CC2D2A: variants seen among roughly 807,000 people sequenced by gnomAD.
The protein encoded by CC2D2A is coiled-coil and C2 domain-containing protein 2A.
A neutral mutation model predicts 212.9 loss-of-function variants in CC2D2A; 155 were observed. The observed-to-expected ratio is 0.73, with a 90% CI of 0.64 to 0.83. CC2D2A has a LOEUF of 0.83. Among genes scored for constraint, CC2D2A ranks in the 40% least tolerant of loss-of-function variants. CC2D2A has a pLI of 0.00. For synonymous variants in CC2D2A, 667 were observed against 686.5 expected, an observed-to-expected ratio of 0.97 and a Z score of 0.44; for missense variants, 1,856 against 1,956.2, an observed-to-expected ratio of 0.95 and a Z score of 0.97.
intron 13 of CC2D2A, among the ~76,000 whole-genome samples, chr4:15,530,896 C>T (rs1717815962): frequency 1.3e-5 from 2 of 151,862 alleles, no homozygotes; most frequent in South Asian, 4.2e-4. Flanking sequence ...TTTTATTTTC[C>T]ATAGCGGCAT....
At chr4:15,539,003 A>G (rs1392112518) in intron 16 of CC2D2A, among the ~76,000 whole-genome samples, 1 of 152,118 alleles carries the variant, frequency 6.6e-6, no homozygotes, top group Non-Finnish European at 1.5e-5. Flanking sequence ...GTTGGAGACC[A>G]GCCTGGGGAA....
At chr4:15,473,080 G>A (rs1713944051) in intron 1 of CC2D2A, 2 of 152,184 alleles carry the variant, frequency 1.3e-5, no homozygotes, top group South Asian at 4.1e-4. Flanking sequence ...AATAGTCCCA[G>A]AATGTGGCTA....
At chr4:15,516,133 A>G in intron 10 of CC2D2A, 129 bp downstream of exon 10, 1 of 741,062 alleles carries the variant, frequency 1.3e-6, no homozygotes, top group Non-Finnish European at 1.9e-6. Flanking sequence ...AAAGTGGTTC[A>G]TTTTTTTTTT....
Position 15,601,400 on chromosome 4 carries a change from T to C in CC2D2A, c.4838T>C (p.Val1613Ala), listed in dbSNP as rs769264337. The change falls in exon 37 of 37, where the codon GTT becomes GCT. Residue 1613 changes from valine (V) to alanine (A), a missense_variant. Around this residue, in one of 5 missense-constraint regions of CC2D2A, gnomAD observed 285 missense variants for 278.4 expected, o/e 1.02. Transcript: ENST00000424120. ...PKNVLSVWIYVASLIRNR is the reference protein window; with the variant it reads ...PKNVLSVWIYAASLIRNR ...AATGTTTTGTCTGTTTGGATCTATG[T>C]TGCCTCTCTTATACGCAACAGGTAA... 9.0e-6 allele frequency: 14 copies of C among 1,549,244 alleles called. No homozygotes were observed. Among genetic ancestry groups the C allele is most frequent in the East Asian group, 4.6e-5 (2 of 43,702 alleles).
At chr4:15,482,543 C>G (rs1287973932) in intron 4 of CC2D2A, among the ~76,000 whole-genome samples, 1 of 152,090 alleles carries the variant, frequency 6.6e-6, no homozygotes, top group African/African-American at 2.4e-5. Flanking sequence ...GAGGGAGAGG[C>G]TCTACTGTCT....
chr4:15,487,812 C>G (rs1315239443), intron 4 of CC2D2A, among the ~76,000 whole-genome samples: 1 of 140,704 alleles, frequency 7.1e-6, no homozygotes, highest in Admixed American at 7.6e-5. Flanking sequence ...TTGTACCTGT[C>G]ATAGGTTTTT....
In CC2D2A at chr4:15,555,043, A is replaced by G. The variant is rs760139434; in HGVS notation, c.2487-29A>G. 60 of 1,592,470 alleles carry G rather than the reference A, an allele frequency of 3.8e-5. 1 individual carries two copies. The highest frequency in any genetic ancestry group is 3.3e-4 in the Middle Eastern group (2 of 6,044). ...ATGCAAACTGTTCTGTGGTCAAGTC[A>G]GTCTCATGGAATCAACTCTTCTTTT... On this transcript the variant is annotated intron_variant, in intron 19 of 36. Coordinates refer to ENST00000424120, the MANE Select transcript of CC2D2A (RefSeq NM_001378615.1).
intron 11 of CC2D2A, among the ~76,000 whole-genome samples, chr4:15,523,709 C>A (rs1229578308): frequency 3.3e-5 from 5 of 152,190 alleles, no homozygotes; most frequent in Admixed American, 3.3e-4. Flanking sequence ...GGATTTGATG[C>A]CGGCAGGCCT....
chr4:15,497,102 C>T (rs1395447063), intron 4 of CC2D2A, among the ~76,000 whole-genome samples: 2 of 152,064 alleles, frequency 1.3e-5, no homozygotes, highest in Non-Finnish European at 2.9e-5. Context: ...CCCAAATAGC[C>T]AACATGATCC....
intron 4 of CC2D2A, among the ~76,000 whole-genome samples, chr4:15,486,030 G>A (rs115414196): frequency 0.02 from 3,098 of 152,198 alleles, 43 homozygotes; most frequent in East Asian, 0.052. Context: ...CATGAAGAAT[G>A]ATGTTGTTAA....
chr4:15,547,913 C>A (rs369669180), intron 17 of CC2D2A, among the ~76,000 whole-genome samples: 2 of 151,910 alleles, frequency 1.3e-5, no homozygotes, highest in South Asian at 2.1e-4. Flanking sequence ...GTGGTGCATG[C>A]CTGTAATCCC....
chr4:15,523,579 T>A (rs1317338633), intron 11 of CC2D2A, among the ~76,000 whole-genome samples: 1 of 152,128 alleles, frequency 6.6e-6, no homozygotes, highest in African/African-American at 2.4e-5. Context: ...CAGAAACCCA[T>A]CACAAACTAG....
chr4:15,555,067 T>G lies in CC2D2A; in HGVS notation c.2487-5T>G, dbSNP rs368876724. ...CAGTCTCATGGAATCAACTCTTCTT[T>G]TCAGTGCTTTGAAGAAAGCAGATGC... On this transcript the variant is annotated splice_polypyrimidine_tract_variant and splice_region_variant and intron_variant, in intron 19 of 36. Transcript: ENST00000424120. 1.2e-6 allele frequency: 2 copies of G among 1,606,984 alleles called. No individual in the cohort carries two copies. Among genetic ancestry groups the G allele is most frequent in the Non-Finnish European group, 1.7e-6 (2 of 1,176,338 alleles).
chr4:15,509,152 A>G (rs1244140664), intron 6 of CC2D2A, among the ~76,000 whole-genome samples: 4 of 152,160 alleles, frequency 2.6e-5, no homozygotes, highest in Admixed American at 1.3e-4. Flanking sequence ...AGGACAGGCC[A>G]TGTACCCTGG....
chr4:15,536,949 A>C lies in CC2D2A; in HGVS notation c.1637A>C (p.Glu546Ala). The change falls in exon 15 of 37, where the codon GAA becomes GCA. Residue 546 changes from glutamate (E) to alanine (A), a missense_variant. Physicochemically the swap from Glu to Ala is moderately radical, Grantham distance 107 (BLOSUM62 -1). Around this residue, in one of 5 missense-constraint regions of CC2D2A, gnomAD observed 1,512 missense variants for 1,579.3 expected, o/e 0.96. Coordinates refer to ENST00000424120, the MANE Select transcript of CC2D2A (RefSeq NM_001378615.1). ...AAAGCTGACCAGAAAGCAGATGAAG[A>C]AGCATATGAAGCAGAAATTCAAGCT... is the stretch of plus-strand genomic sequence containing the variant. ...KEKADQKADE[E>A]AYEAEIQAEI... 2 of 1,613,900 alleles carry C rather than the reference A, an allele frequency of 1.2e-6. No homozygotes were observed. Among genetic ancestry groups the C allele is most frequent in the Non-Finnish European group, 1.7e-6 (2 of 1,179,794 alleles).
intron 4 of CC2D2A, among the ~76,000 whole-genome samples, chr4:15,488,812 C>T (rs1352114181): frequency 6.6e-6 from 1 of 152,260 alleles, no homozygotes; most frequent in Non-Finnish European, 1.5e-5. Context: ...CTGCTTCGGG[C>T]ACATGCCCGG....
chr4:15,599,909 T>C (rs1473441939), intron 36 of CC2D2A, among the ~76,000 whole-genome samples: 1 of 152,182 alleles, frequency 6.6e-6, no homozygotes, highest in East Asian at 1.9e-4. Context: ...TTCATATAAG[T>C]ATCCCATGAA....
At chr4:15,529,978 TA>T (rs1444165846) in intron 13 of CC2D2A, among the ~76,000 whole-genome samples, 16 of 147,488 alleles carry the variant, frequency 1.1e-4, no homozygotes, top group African/African-American at 2.7e-4. Context: ...TTTTTATTTT[TA>T]TTTTTTTTTT....
At chr4:15,544,265 G>A (rs991938892) in intron 17 of CC2D2A, among the ~76,000 whole-genome samples, 1 of 152,216 alleles carries the variant, frequency 6.6e-6, no homozygotes, top group African/African-American at 2.4e-5. Flanking sequence ...GCCCTGAATA[G>A]AGGAGGAGCT....
Sources: allele counts gnomAD v4.1 joint callset (sites outside exome capture counted in the v4.1 genomes callset), GRCh38; gene constraint gnomAD v4.1.1; regional missense constraint gnomAD v4.1.1; transcripts MANE v1.5; gene names NCBI Gene and HGNC (gene_info 2026-07-23, HGNC 2026-07-21).